The following SCNN1B variants were observed in gnomAD, a reference collection of about 807,000 sequenced individuals.
The protein encoded by SCNN1B is epithelial sodium channel subunit beta.
Under a neutral mutation model 65.3 loss-of-function variants are expected in SCNN1B, and 46 were observed. The observed-to-expected ratio is 0.70, with a 90% CI of 0.56 to 0.90. The LOEUF (loss-of-function observed/expected upper bound fraction) is 0.90, where lower values mean the gene tolerates loss of function less well. Ranked by LOEUF, SCNN1B falls within the 40% of genes least tolerant of loss-of-function variation. The pLI is 0.00. For missense variants in SCNN1B, 751 were observed against 830.5 expected (o/e 0.90, Z 1.18); for synonymous variants, 349 against 330.6 (o/e 1.06, Z -0.60).
At chr16:23,346,701 C>T (rs1334654892) in intron 1 of SCNN1B, among the ~76,000 whole-genome samples, 1 of 143,084 alleles carries the variant, frequency 7.0e-6, no homozygotes, top group Non-Finnish European at 1.5e-5. Context: ...CCCACCCCTG[C>T]AGGCTCCCTC....
chr16:23,370,180 A>C (rs1193645487), intron 5 of SCNN1B, among the ~76,000 whole-genome samples: 1 of 152,084 alleles, frequency 6.6e-6, no homozygotes, highest in African/African-American at 2.4e-5. Context: ...ATCTCGGCTC[A>C]CTACAACCTC....
At chr16:23,343,656 A>AAAAAAAGAAAGG (rs1555487089) in intron 1 of SCNN1B, among the ~76,000 whole-genome samples, 6 of 115,984 alleles carry the variant, frequency 5.2e-5, no homozygotes, top group South Asian at 5.9e-4. Flanking sequence ...AGAAAAAAAG[A>AAAAAAAGAAAGG]AAGGAAGGAA....
chr16:23,365,498 G>A, intron 4 of SCNN1B, among the ~76,000 whole-genome samples: 1 of 127,608 alleles, frequency 7.8e-6, no homozygotes, highest in South Asian at 2.5e-4. Context: ...AGAAAAGAAA[G>A]AAAAAGAAAG....
intron 1 of SCNN1B, among the ~76,000 whole-genome samples, chr16:23,321,276 A>G (rs1386863231): frequency 6.6e-6 from 1 of 152,120 alleles, no homozygotes; most frequent in African/African-American, 2.4e-5. Flanking sequence ...TCTTACCCTC[A>G]AGTGATCCAC....
intron 1 of SCNN1B, among the ~76,000 whole-genome samples, chr16:23,341,135 T>C (rs1962047117): frequency 6.6e-6 from 1 of 152,216 alleles, no homozygotes; most frequent in South Asian, 2.1e-4. Flanking sequence ...ATGAGCATGG[T>C]ATAGATCTCC....
chr16:23,292,704 A>G (rs1057246668), intron 2 of SCNN1B, among the ~76,000 whole-genome samples: 1 of 145,314 alleles, frequency 6.9e-6, no homozygotes, highest in Non-Finnish European at 1.5e-5. Context: ...CATTTTTGCC[A>G]TGTTGCCCAG....
In SCNN1B at chr16:23,380,333, C is replaced by T. The variant is rs536017198; in HGVS notation, c.1543-88C>T. On this transcript the variant is annotated intron_variant, in intron 12 of 12. Transcript: ENST00000343070. This position sits in a 1 kb window ranked among gnomAD's most constrained non-coding sequence, Gnocchi z 5.4. ...GATGGTCACCCCCTCCCGTTCCCAC[C>T]CAAGAATCACCTCCCAGGAAGCTGT... The T allele has an allele frequency of 6.9e-6, 11 of 1,605,176 alleles. No homozygotes were observed. The East Asian group carries it at 2.5e-4, about 36-fold the overall frequency.
intron 1 of SCNN1B, among the ~76,000 whole-genome samples, chr16:23,331,829 G>T (rs895536120): frequency 2.6e-5 from 4 of 152,100 alleles, no homozygotes; most frequent in Admixed American, 6.5e-5. Context: ...CTCAACAGGG[G>T]CCTCTTTGTA....
intron 1 of SCNN1B, among the ~76,000 whole-genome samples, chr16:23,279,776 C>G (rs562265896): frequency 6.6e-6 from 1 of 152,262 alleles, no homozygotes; most frequent in South Asian, 2.1e-4. Context: ...TTAAACCCAG[C>G]CAGGCATGAC....
At chr16:23,332,882 A>G (rs1363203089) in intron 1 of SCNN1B, among the ~76,000 whole-genome samples, 1 of 152,102 alleles carries the variant, frequency 6.6e-6, no homozygotes, top group African/African-American at 2.4e-5. Flanking sequence ...CAGTCTGGTC[A>G]AGATGGTGAA....
rs1287111905 is a variant in SCNN1B, at chr16:23,367,862, C to T, written c.783C>T (p.Phe261=). ...CTGATGCTGTTTCTTTTAGGAACTT[C>T]ACGTCCATCTTCTACCCTCACTATG... ...FGAEPCNYRN[F]TSIFYPHYGN... The change falls in exon 5 of 13, where the codon TTC becomes TTT. Residue 261 remains phenylalanine (F), a synonymous_variant. Coordinates refer to ENST00000343070, the MANE Select transcript of SCNN1B (RefSeq NM_000336.3). 6.2e-7 allele frequency: 1 copy of T among 1,613,282 alleles called. No individual in the cohort carries two copies. The highest frequency in any genetic ancestry group is 8.5e-7 in the Non-Finnish European group (1 of 1,179,288).
chr16:23,373,063 C>T (rs188389867), intron 7 of SCNN1B, among the ~76,000 whole-genome samples: 179 of 152,180 alleles, frequency 1.2e-3, no homozygotes, highest in African/African-American at 2.0e-3. Flanking sequence ...GCTGATATCA[C>T]GCCACTGCAC....
At chr16:23,283,522 C>T (rs2141967364) in intron 1 of SCNN1B, among the ~76,000 whole-genome samples, 1 of 152,234 alleles carries the variant, frequency 6.6e-6, no homozygotes, top group Non-Finnish European at 1.5e-5. Flanking sequence ...GAATATTGCA[C>T]TGAAAGTGAA....
At position 23,287,049 on chromosome 16, in the gene SCNN1B, G is replaced by C. The variant is rs1339270680; in HGVS notation, n.178+3245G>C. ...GACAGAGTTTTGCTCTTGTCACCCA[G>C]GCTGGAGTACAATGGGGTGATCTCC... On this transcript the variant is annotated intron_variant and non_coding_transcript_variant, in intron 2 of 3. Transcript: ENST00000569789. 4.7e-5 allele frequency among the ~76,000 whole-genome samples: 7 copies of C among 150,530 alleles called. No homozygotes were observed. In the South Asian group the frequency reaches 1.3e-3, roughly 27 times the overall value.
intron 11 of SCNN1B, among the ~76,000 whole-genome samples, chr16:23,379,156 C>CAT (rs1466913987): frequency 1.0e-4 from 15 of 147,588 alleles, no homozygotes; most frequent in African/African-American, 4.0e-4. Context: ...CCTCCATTCT[C>CAT]CCACCCACGC....
chr16:23,335,475 A>T, intron 1 of SCNN1B, among the ~76,000 whole-genome samples: 1 of 130,736 alleles, frequency 7.6e-6, no homozygotes. Flanking sequence ...TTTTTTTTTT[A>T]GATGGAGTTT....
intron 2 of SCNN1B, among the ~76,000 whole-genome samples, chr16:23,290,522 G>C (rs1257734161): frequency 3.3e-5 from 5 of 152,128 alleles, no homozygotes; most frequent in Admixed American, 6.5e-5. Flanking sequence ...TGCCCAGGCT[G>C]TTCTCAAACG....
intron 5 of SCNN1B, among the ~76,000 whole-genome samples, chr16:23,370,443 C>T (rs1005102700): frequency 5.9e-5 from 9 of 152,152 alleles, no homozygotes; most frequent in Admixed American, 4.6e-4. Flanking sequence ...AGCACATCAC[C>T]CCGCAGGTAG....
chr16:23,378,921 A>G (rs1003058893), intron 11 of SCNN1B, among the ~76,000 whole-genome samples, 154 bp downstream of exon 11: 2 of 152,100 alleles, frequency 1.3e-5, no homozygotes, highest in Non-Finnish European at 2.9e-5. Context: ...AGTGAGAGAG[A>G]GGAAAGGCAG....
Sources: gnomAD v4.1 joint callset for allele counts (sites outside exome capture counted in the v4.1 genomes callset) on GRCh38, gnomAD v4.1.1 for gene constraint, Gnocchi (gnomAD v3.1) non-coding constraint, MANE v1.5 for transcripts, NCBI Gene and HGNC (gene_info 2026-07-23, HGNC 2026-07-21) for gene names.